GSE1: variants seen among roughly 807,000 people sequenced by gnomAD.
GSE1 encodes the protein Gse1 coiled-coil protein.
Under a neutral mutation model 112.6 loss-of-function variants are expected in GSE1, and 32 were observed. The ratio of observed to expected loss-of-function variants is 0.28; its 90% CI spans 0.21 to 0.38. The LOEUF is 0.38. Among genes scored for constraint, GSE1 ranks in the 10% least tolerant of loss-of-function variants. GSE1 has a pLI of 1.00. For missense variants in GSE1, 2,348 were observed against 1,699.2 expected (o/e 1.38, Z -6.71); for synonymous variants, 1,115 against 735.6 (o/e 1.52, Z -8.35).
At chr16:85,476,824 G>C (rs1229385341) in intron 2 of GSE1, among the ~76,000 whole-genome samples, 2 of 149,182 alleles carry the variant, frequency 1.3e-5, no homozygotes, top group African/African-American at 2.5e-5. Context: ...TGTTGCCCCA[G>C]CTGGCCTTGA....
chr16:85,597,058 A>G (rs1039841573), intron 1 of GSE1, among the ~76,000 whole-genome samples: 6 of 151,676 alleles, frequency 4.0e-5, no homozygotes, highest in African/African-American at 1.2e-4. Context: ...GCTCACTGCA[A>G]TCTCCACCTC....
intron 2 of GSE1, among the ~76,000 whole-genome samples, chr16:85,395,194 G>A (rs984360415): frequency 2.6e-5 from 4 of 152,082 alleles, no homozygotes; most frequent in Non-Finnish European, 4.4e-5. Context: ...CTTCTCGAAC[G>A]TTACCCTGAA....
upstream of GSE1, among the ~76,000 whole-genome samples, chr16:85,612,058 C>T (rs1598375597): frequency 1.3e-5 from 2 of 152,088 alleles, no homozygotes; most frequent in South Asian, 4.1e-4. Context: ...GAAGTAGGGA[C>T]GCGCTAGATC....
chr16:85,364,601 G>A (rs1007721131), intron 2 of GSE1, among the ~76,000 whole-genome samples: 4 of 152,202 alleles, frequency 2.6e-5, no homozygotes, highest in Non-Finnish European at 5.9e-5. Context: ...TCTTCAAGCT[G>A]TGGTCTCTGC....
chr16:85,309,058 C>T (rs570090647), intron 1 of GSE1, among the ~76,000 whole-genome samples: 2 of 151,674 alleles, frequency 1.3e-5, no homozygotes, highest in African/African-American at 4.8e-5. Flanking sequence ...GGGCCTGAGT[C>T]TCTGCATTTC....
intron 1 of GSE1, among the ~76,000 whole-genome samples, chr16:85,177,719 A>C (rs957661238): frequency 2.7e-5 from 4 of 150,798 alleles, no homozygotes; most frequent in African/African-American, 9.7e-5. Flanking sequence ...CGGGAGCATG[A>C]CTTCATCTTG....
chr16:85,672,717 C>CAATTGAATCACCG lies in GSE1; in HGVS notation c.*179_*191dup, dbSNP rs1275781711. On this transcript the variant is annotated 3_prime_UTR_variant, in exon 16 of 16. Transcript: ENST00000253458. ...GAATGAACTCACCTTGACGTCAATG[C>CAATTGAATCACCG]AATTGAATCACCGTTGTCATTCAGC... is the stretch of plus-strand genomic sequence containing the variant. The CAATTGAATCACCG allele has an allele frequency of 1.4e-5, 6 of 430,748 alleles. No individual in the cohort carries two copies. The highest frequency in any genetic ancestry group is 2.4e-5 in the Non-Finnish European group (6 of 245,034). The allele number at this position is 430,748 out of a possible 1,614,324, so 26.7% of individuals were successfully genotyped here. A position where few individuals can be genotyped will look rare whatever the true frequency, so the allele number is the denominator to read the frequency against.
chr16:85,179,017 C>T (rs369236436), intron 1 of GSE1, among the ~76,000 whole-genome samples: 1 of 152,268 alleles, frequency 6.6e-6, no homozygotes, highest in East Asian at 1.9e-4. Flanking sequence ...ACAATTCACA[C>T]ACCGTGAAAG....
intron 2 of GSE1, among the ~76,000 whole-genome samples, chr16:85,476,978 G>A (rs1265493735): frequency 6.9e-6 from 1 of 144,992 alleles, no homozygotes; most frequent in East Asian, 2.0e-4. Flanking sequence ...CAACTGGAGT[G>A]CAGTGGTGTG....
intron 13 of GSE1, among the ~76,000 whole-genome samples, chr16:85,667,237 T>C (rs936515940): frequency 2.0e-5 from 3 of 152,276 alleles, no homozygotes; most frequent in African/African-American, 4.8e-5. Context: ...TTCTGCCTTA[T>C]TCTGACCTTG....
intron 2 of GSE1, among the ~76,000 whole-genome samples, chr16:85,433,025 G>T (rs1453263397): frequency 6.6e-6 from 1 of 151,842 alleles, no homozygotes; most frequent in African/African-American, 2.4e-5. Context: ...AGATCTGCTT[G>T]GGGGATCAGG....
At position 85,403,094 on chromosome 16, in the gene GSE1, G is replaced by C. The variant is rs538210919; in HGVS notation, c.2464+45451G>C. On this transcript the variant is annotated intron_variant, in intron 2 of 2. Transcript: ENST00000637419. ...CCAAGCCCTCTCCCATGGTTGCTGG[G>C]GGGGGACTCAGTTCCTCTGGGCCGT... 5.7e-3 allele frequency among the ~76,000 whole-genome samples: 828 copies of C among 145,692 alleles called. 11 individuals are homozygous for C. The highest frequency in any genetic ancestry group is 0.022 in the African/African-American group (780 of 36,148).
chr16:85,559,244 G>C (rs979177402), intron 1 of GSE1, among the ~76,000 whole-genome samples: 2 of 152,154 alleles, frequency 1.3e-5, no homozygotes, highest in Non-Finnish European at 2.9e-5. Context: ...TGAGGTAGCT[G>C]CTGCCATCCA....
At chr16:85,664,675 T>C (rs115423408) in intron 11 of GSE1, 2,482 of 217,054 alleles carry the variant, frequency 0.011, 61 homozygotes, top group African/African-American at 0.054. Context: ...TTGGGGTGTT[T>C]CTTTGTGTTG....
intron 1 of GSE1, among the ~76,000 whole-genome samples, chr16:85,202,342 C>T (rs897841569): frequency 2.0e-5 from 3 of 152,378 alleles, no homozygotes; most frequent in South Asian, 2.1e-4. Context: ...GTGCCCCACA[C>T]GGCCTCCAGG....
chr16:85,558,784 G>C (rs914507582), intron 1 of GSE1, among the ~76,000 whole-genome samples: 2 of 152,230 alleles, frequency 1.3e-5, no homozygotes, highest in African/African-American at 4.8e-5. Context: ...GGCTTACCGG[G>C]AAGAACTATG....
intron 1 of GSE1, among the ~76,000 whole-genome samples, chr16:85,214,874 G>A (rs2075284054): frequency 6.6e-6 from 1 of 152,206 alleles, no homozygotes; most frequent in Admixed American, 6.5e-5. Flanking sequence ...GAAGGGCAGG[G>A]CTGACTCTGA....
intron 2 of GSE1, among the ~76,000 whole-genome samples, chr16:85,403,091 T>TA (rs1555579049): frequency 3.3e-5 from 5 of 151,090 alleles, no homozygotes; most frequent in Admixed American, 1.3e-4. Flanking sequence ...CCATGGTTGC[T>TA]GGGGGGGGAC....
chr16:85,533,047 C>T (rs978795047), intron 2 of GSE1, among the ~76,000 whole-genome samples: 2 of 152,092 alleles, frequency 1.3e-5, no homozygotes, highest in African/African-American at 4.8e-5. Flanking sequence ...GATCTGGTCT[C>T]CAAGGTGAGG....
Sources: allele counts gnomAD v4.1 joint callset (sites outside exome capture counted in the v4.1 genomes callset), GRCh38; gene constraint gnomAD v4.1.1; transcripts MANE v1.5; gene names NCBI Gene and HGNC (gene_info 2026-07-23, HGNC 2026-07-21).